Variants in RBMS3 observed in about 807,000 individuals in gnomAD.
RBMS3 encodes RNA-binding motif, single-stranded-interacting protein 3.
A neutral mutation model predicts 66.8 loss-of-function variants in RBMS3; 27 were observed. The ratio of observed to expected loss-of-function variants is 0.40; its 90% CI spans 0.30 to 0.56. The LOEUF is 0.56. Among genes scored for constraint, RBMS3 ranks in the 20% least tolerant of loss-of-function variants. The probability of loss-of-function intolerance (pLI) is 0.40; values close to 1 mark genes in which losing one functional copy is unlikely to be tolerated. For missense variants in RBMS3, 513 were observed against 549.5 expected, an observed-to-expected ratio of 0.93 and a Z score of 0.66; for synonymous variants, 188 against 183.0, an observed-to-expected ratio of 1.03 and a Z score of -0.22.
At chr3:29,496,670 C>T (rs1253895366) in intron 3 of RBMS3, among the ~76,000 whole-genome samples, 1 of 152,148 alleles carries the variant, frequency 6.6e-6, no homozygotes, top group East Asian at 1.9e-4. Context: ...AATTAGCTTT[C>T]CAAACTTATT....
chr3:29,681,999 A>G (rs1454909445), intron 4 of RBMS3, among the ~76,000 whole-genome samples: 1 of 152,184 alleles, frequency 6.6e-6, no homozygotes, highest in Non-Finnish European at 1.5e-5. Flanking sequence ...CTTTTTATCT[A>G]CAACCTCACC....
At chr3:29,866,035 G>T (rs2059352304) in intron 6 of RBMS3, among the ~76,000 whole-genome samples, 1 of 139,090 alleles carries the variant, frequency 7.2e-6, no homozygotes, top group Admixed American at 7.5e-5. Context: ...ATGTAAAATG[G>T]AAGTGCTTGA....
intron 6 of RBMS3, among the ~76,000 whole-genome samples, chr3:29,843,266 T>C (rs1190827122): frequency 6.6e-6 from 1 of 152,210 alleles, no homozygotes; most frequent in African/African-American, 2.4e-5. Context: ...ATATGCTGCA[T>C]ATTTTTAGAA....
intron 4 of RBMS3, among the ~76,000 whole-genome samples, chr3:29,605,961 C>A (rs1174023463): frequency 7.0e-6 from 1 of 142,920 alleles, no homozygotes; most frequent in African/African-American, 2.7e-5. Context: ...AGACATGAAA[C>A]AAGGTAGTTT....
At chr3:29,947,984 A>G (rs1422960312) in intron 12 of RBMS3, among the ~76,000 whole-genome samples, 4 of 151,420 alleles carry the variant, frequency 2.6e-5, no homozygotes, top group Non-Finnish European at 4.4e-5. Context: ...TTTTTAAAAA[A>G]GAAAAGAAAA....
intron 6 of RBMS3, among the ~76,000 whole-genome samples, chr3:29,838,499 G>A (rs1292283537): frequency 2.6e-5 from 4 of 152,020 alleles, no homozygotes; most frequent in Non-Finnish European, 4.4e-5. Flanking sequence ...ATATTTCAAA[G>A]AAAAGTATTA....
At chr3:29,980,369 G>T (rs140707335) in intron 12 of RBMS3, among the ~76,000 whole-genome samples, 2 of 152,060 alleles carry the variant, frequency 1.3e-5, no homozygotes, top group African/African-American at 4.8e-5. Flanking sequence ...AAATTTGCTC[G>T]CATTCTGTAG....
At position 29,891,884 on chromosome 3, in the gene RBMS3, TAGTATTTATGGTTCC is replaced by T. The variant is rs560738866; in HGVS notation, c.792-5492_792-5478del. Reference sequence around the variant, plus strand: ...TTGTACTATTGTTTTACCCTGAGGATAGTATTTATGGTTCCAGCCCTAACAATATTGCCTGTGGAC... The same window carrying T: ...TTGTACTATTGTTTTACCCTGAGGATAGCCCTAACAATATTGCCTGTGGAC... On this transcript the variant is annotated intron_variant, in intron 8 of 14. Transcript: ENST00000383767. Among the ~76,000 whole-genome samples the T allele has an allele frequency of 5.6e-4, 85 of 151,686 alleles. 1 individual carries two copies. In the East Asian group the frequency reaches 0.015, roughly 26 times the overall value.
At chr3:29,596,741 C>T (rs2047958320) in intron 4 of RBMS3, among the ~76,000 whole-genome samples, 1 of 152,146 alleles carries the variant, frequency 6.6e-6, no homozygotes, top group African/African-American at 2.4e-5. Flanking sequence ...GAATAACAGA[C>T]TGGATAAAAT....
intron 6 of RBMS3, among the ~76,000 whole-genome samples, chr3:29,796,032 T>A (rs1017783243): frequency 1.3e-5 from 2 of 152,132 alleles, no homozygotes; most frequent in Admixed American, 1.3e-4. Context: ...ACCTCAGAGG[T>A]ATTGTGGGTT....
At chr3:29,384,666 A>G (rs2038928746) in intron 1 of RBMS3, among the ~76,000 whole-genome samples, 1 of 152,170 alleles carries the variant, frequency 6.6e-6, no homozygotes, top group African/African-American at 2.4e-5. Flanking sequence ...AGCAAGTGTG[A>G]CTCAAGGATG....
rs2054206441 is a variant in RBMS3 at position 29,733,146 on chromosome 3, A to G, written c.400-6574A>G. Among the ~76,000 whole-genome samples the G allele has an allele frequency of 2.0e-5, 3 of 152,110 alleles. No individual in the cohort carries two copies. The South Asian group carries it at 6.2e-4, about 31-fold the overall frequency. The stretch of plus-strand genomic sequence containing the variant: ...ATATACATCTTTCTCAATGTTTTTA[A>G]AAAATATCTATAGTTGCATGCTTGC... On this transcript the variant is annotated intron_variant, in intron 4 of 14. Coordinates refer to ENST00000383767, the MANE Select transcript of RBMS3 (RefSeq NM_001003793.3).
At chr3:29,848,740 G>A (rs995871583) in intron 6 of RBMS3, among the ~76,000 whole-genome samples, 1 of 152,150 alleles carries the variant, frequency 6.6e-6, no homozygotes, top group Non-Finnish European at 1.5e-5. Context: ...AAATAAATAT[G>A]TGAAAGCAAC....
At chr3:29,692,252 G>A (rs1488316179) in intron 4 of RBMS3, among the ~76,000 whole-genome samples, 2 of 151,864 alleles carry the variant, frequency 1.3e-5, no homozygotes, top group African/African-American at 4.8e-5. Context: ...AAAGTGCTAG[G>A]ATTACAGGTG....
chr3:29,914,729 A>G (rs1161738570), intron 10 of RBMS3, among the ~76,000 whole-genome samples: 1 of 151,858 alleles, frequency 6.6e-6, no homozygotes, highest in African/African-American at 2.4e-5. Context: ...GACCACAGTG[A>G]TAAGTTAGGA....
intron 3 of RBMS3, among the ~76,000 whole-genome samples, chr3:29,567,594 T>C (rs1346680870): frequency 6.6e-6 from 1 of 152,074 alleles, no homozygotes; most frequent in East Asian, 1.9e-4. Context: ...GAAGGTGACA[T>C]TTATGCCCCA....
chr3:29,975,902 C>A (rs1002638672), intron 12 of RBMS3, among the ~76,000 whole-genome samples: 1 of 151,820 alleles, frequency 6.6e-6, no homozygotes, highest in African/African-American at 2.4e-5. Flanking sequence ...ATGGGGATTG[C>A]AATTTGTAAG....
At chr3:29,897,342 A>G in intron 8 of RBMS3, 37 bp from the exon 9 acceptor site, 1 of 1,568,094 alleles carries the variant, frequency 6.4e-7, no homozygotes. Flanking sequence ...GGCATGTAGC[A>G]GCTTCGTGAA....
intron 1 of RBMS3, among the ~76,000 whole-genome samples, chr3:29,380,135 T>C (rs918263723): frequency 1.3e-5 from 2 of 152,054 alleles, no homozygotes; most frequent in African/African-American, 2.4e-5. Context: ...GTGGGTACTC[T>C]ATTATTCAAG....
Sources: allele counts gnomAD v4.1 joint callset (sites outside exome capture counted in the v4.1 genomes callset), GRCh38; gene constraint gnomAD v4.1.1; transcripts MANE v1.5; gene names NCBI Gene and HGNC (gene_info 2026-07-23, HGNC 2026-07-21).